The following CECR2 variants were observed in gnomAD, a reference collection of about 807,000 sequenced individuals.
CECR2 encodes the protein chromatin remodeling regulator CECR2.
CECR2 carries 30 observed loss-of-function variants against 154.5 expected under a neutral mutation model. The observed-to-expected ratio is 0.19, with a 90% CI of 0.15 to 0.26. CECR2 has a LOEUF of 0.26. CECR2 is among the 10% of genes least tolerant of loss of function. The pLI is 1.00. For missense variants in CECR2, 1,743 were observed against 1,829.3 expected (o/e 0.95, Z 0.86); for synonymous variants, 725 against 683.7 (o/e 1.06, Z -0.94).
intron 2 of CECR2, among the ~76,000 whole-genome samples, chr22:17,496,846 C>T (rs946612876): frequency 3.9e-5 from 6 of 152,208 alleles, no homozygotes; most frequent in Non-Finnish European, 1.5e-5. Flanking sequence ...CCAGAATGTG[C>T]TATTCGGGCT....
chr22:17,381,803 A>G (rs1416064686), intron 1 of CECR2, among the ~76,000 whole-genome samples: 1 of 152,074 alleles, frequency 6.6e-6, no homozygotes, highest in Non-Finnish European at 1.5e-5. Context: ...GGCGAGTGAA[A>G]CGCTTCCTGG....
chr22:17,514,449 C>T (rs2056015137), intron 8 of CECR2, among the ~76,000 whole-genome samples: 1 of 152,100 alleles, frequency 6.6e-6, no homozygotes, highest in African/African-American at 2.4e-5. Context: ...CATTAAAAAC[C>T]CCCTTGATTC....
At chr22:17,408,404 C>T (rs2054017423) in intron 1 of CECR2, among the ~76,000 whole-genome samples, 1 of 151,994 alleles carries the variant, frequency 6.6e-6, no homozygotes, top group African/African-American at 2.4e-5. Context: ...CTGTTGTATG[C>T]CTCAGTTTCC....
intron 1 of CECR2, among the ~76,000 whole-genome samples, chr22:17,437,533 T>C (rs2054524879): frequency 6.6e-6 from 1 of 152,200 alleles, no homozygotes. Flanking sequence ...TTTGATCATA[T>C]GATATTTCTT....
At chr22:17,418,808 C>T (rs1437802653) in intron 1 of CECR2, 2 of 216,984 alleles carry the variant, frequency 9.2e-6, no homozygotes, top group Non-Finnish European at 1.8e-5. Context: ...TGTTCTTCCA[C>T]GTGGGGCCCA....
chr22:17,398,081 C>T (rs1296707621), intron 1 of CECR2, among the ~76,000 whole-genome samples: 5 of 151,846 alleles, frequency 3.3e-5, no homozygotes, highest in Admixed American at 1.3e-4. Context: ...TTCATTTTGA[C>T]ATTTATTTTA....
At chr22:17,552,734 T>C in intron 18 of CECR2, 101 bp from the exon 19 acceptor site, 1 of 1,153,682 alleles carries the variant, frequency 8.7e-7, no homozygotes, top group South Asian at 1.5e-5. Context: ...TCAAGCCATT[T>C]TCACACATGA....
Position 17,472,451 on chromosome 22 carries a change from G to A in CECR2, c.127-5137G>A, listed in dbSNP as rs77131719. Among the ~76,000 whole-genome samples the A allele has an allele frequency of 9.3e-3, 1,422 of 152,284 alleles. 21 individuals carry two copies. Among genetic ancestry groups the A allele is most frequent in the African/African-American group, 0.033 (1,352 of 41,536 alleles). On this transcript the variant is annotated intron_variant, in intron 1 of 18. Transcript: ENST00000262608. ...TTTGCATCTCCTTTGTGTCCTTGCGGTTCCGGGTCCTATACAGAAGATCTC... is the reference window on the plus strand; with the variant it reads ...TTTGCATCTCCTTTGTGTCCTTGCGATTCCGGGTCCTATACAGAAGATCTC...
intron 1 of CECR2, among the ~76,000 whole-genome samples, chr22:17,374,759 A>T (rs1310648335): frequency 6.6e-6 from 1 of 152,184 alleles, no homozygotes; most frequent in Non-Finnish European, 1.5e-5. Context: ...CATTTTCAAA[A>T]TGTTATCCCA....
chr22:17,526,671 C>T (rs554710228), intron 9 of CECR2, among the ~76,000 whole-genome samples: 11 of 151,732 alleles, frequency 7.2e-5, no homozygotes, highest in East Asian at 1.9e-4. Flanking sequence ...TAGCCGGGCA[C>T]GGTGGCAGGC....
At chr22:17,499,623 A>G (rs2055698925) in intron 4 of CECR2, 74 bp downstream of exon 4, 7 of 1,433,962 alleles carry the variant, frequency 4.9e-6, no homozygotes, top group African/African-American at 1.5e-5. Context: ...TCAGAATTCT[A>G]CAGCACAATT....
chr22:17,469,887 T>A (rs1234707678), intron 1 of CECR2, among the ~76,000 whole-genome samples: 1 of 152,212 alleles, frequency 6.6e-6, no homozygotes, highest in African/African-American at 2.4e-5. Flanking sequence ...TCCATCACAT[T>A]GCATGGAAAA....
At chr22:17,371,883 C>T (rs1270590549) in intron 1 of CECR2, among the ~76,000 whole-genome samples, 1 of 152,204 alleles carries the variant, frequency 6.6e-6, no homozygotes, top group African/African-American at 2.4e-5. Context: ...TTAGAGTAAC[C>T]TGTAAATAAC....
chr22:17,482,122 AAAAAAAAAAAAAAAAAAAAG>A (rs2055334307), intron 2 of CECR2, among the ~76,000 whole-genome samples: 1 of 38,200 alleles, frequency 2.6e-5, no homozygotes, highest in African/African-American at 1.2e-4. Context: ...CTCCAAAAAA[AAAAAAAAAAAAAAAAAAAAG>A]GGCGTGGCAT....
chr22:17,435,423 G>T (rs1372223004), intron 1 of CECR2, among the ~76,000 whole-genome samples: 2 of 152,108 alleles, frequency 1.3e-5, no homozygotes, highest in East Asian at 3.9e-4. Flanking sequence ...AGAATTTGGA[G>T]ACCGGGTTTT....
chr22:17,548,106 C>T, intron 16 of CECR2, 42 bp from the exon 17 acceptor site: 3 of 1,459,200 alleles, frequency 2.1e-6, no homozygotes, highest in Non-Finnish European at 1.8e-6. Flanking sequence ...GTCATTTCAG[C>T]TACTGAGTTA....
At chr22:17,457,379 G>C (rs2054870692) in intron 1 of CECR2, among the ~76,000 whole-genome samples, 1 of 152,092 alleles carries the variant, frequency 6.6e-6, no homozygotes, top group Admixed American at 6.5e-5. Context: ...GAACTAATAG[G>C]GTCTTGGAAT....
intron 2 of CECR2, among the ~76,000 whole-genome samples, chr22:17,482,640 C>A (rs2055346655): frequency 6.6e-6 from 1 of 151,974 alleles, no homozygotes; most frequent in African/African-American, 2.4e-5. Context: ...CTCAAACGAT[C>A]TTCCCACTTC....
chr22:17,413,476 A>G (rs1366263720), intron 1 of CECR2, among the ~76,000 whole-genome samples: 1 of 152,090 alleles, frequency 6.6e-6, no homozygotes, highest in East Asian at 1.9e-4. Context: ...TGTGGACTCC[A>G]TTAACATTGT....
Sources: gnomAD v4.1 joint callset for allele counts (sites outside exome capture counted in the v4.1 genomes callset) on GRCh38, gnomAD v4.1.1 for gene constraint, MANE v1.5 for transcripts, NCBI Gene and HGNC (gene_info 2026-07-23, HGNC 2026-07-21) for gene names.